The following DOCK8 variants were observed in gnomAD, a reference collection of about 807,000 sequenced individuals.
DOCK8 encodes dedicator of cytokinesis protein 8.
In DOCK8, 141 loss-of-function variants were observed where a neutral mutation model predicts 245.6. The ratio of observed to expected loss-of-function variants is 0.57; its 90% CI spans 0.50 to 0.66. DOCK8 has a LOEUF of 0.66. Ranked by LOEUF, DOCK8 falls within the 30% of genes least tolerant of loss-of-function variation. The probability of loss-of-function intolerance (pLI) is 0.00; values close to 1 mark genes in which losing one functional copy is unlikely to be tolerated. For synonymous variants in DOCK8, 1,168 were observed against 970.2 expected (o/e 1.20, Z -3.79); for missense variants, 2,965 against 2,603.4 (o/e 1.14, Z -3.02).
In DOCK8 at chr9:317,103, A is replaced by G. The variant is rs1338659907; in HGVS notation, c.802A>G (p.Ile268Val). ...TCCCAAGGAACACCTGGGCAACAGA[A>G]TATTGGTCAAGTTGCTGACCTTGAA... ...ECPKEHLGNR[I>V]LVKLLTLKFE... Residue 268 changes from isoleucine (I) to valine (V), a missense_variant, in exon 7 of 48, where the codon ATA becomes GTA. Around this residue, in one of 3 missense-constraint regions of DOCK8, gnomAD observed 2,825 missense variants for 2,453.5 expected, o/e 1.15. Coordinates refer to ENST00000432829, the MANE Select transcript of DOCK8 (RefSeq NM_203447.4). The G allele has an allele frequency of 3.7e-6, 6 of 1,613,864 alleles. No homozygotes were observed. The highest frequency in any genetic ancestry group is 1.3e-5 in the African/African-American group (1 of 74,938).
At chr9:360,484 A>G (rs1224171581) in intron 14 of DOCK8, among the ~76,000 whole-genome samples, 4 of 152,222 alleles carry the variant, frequency 2.6e-5, no homozygotes, top group African/African-American at 9.6e-5. Context: ...TGTATTATGT[A>G]TACTTTGTAT....
rs569384284 is a variant in DOCK8 at position 239,109 on chromosome 9, A to G, written c.53+24080A>G. ...CAGGAATTGATTTATTTTCTCATCAATGTTATAACTAAATGACTTTGAATG... is the reference window on the plus strand; with the variant it reads ...CAGGAATTGATTTATTTTCTCATCAGTGTTATAACTAAATGACTTTGAATG... On this transcript the variant is annotated intron_variant, in intron 1 of 47. Transcript: ENST00000432829. Among the ~76,000 whole-genome samples, 6 of 152,344 alleles carry G rather than the reference A, an allele frequency of 3.9e-5. No homozygotes were observed. The East Asian group carries it at 7.7e-4, about 20-fold the overall frequency.
chr9:388,826 T>C (rs1257788377), intron 23 of DOCK8, among the ~76,000 whole-genome samples: 2 of 152,126 alleles, frequency 1.3e-5, no homozygotes, highest in African/African-American at 4.8e-5. Flanking sequence ...AGTGCTAGGA[T>C]TACAGGCATG....
intron 7 of DOCK8, 116 bp from the exon 8 acceptor site, chr9:325,555 C>T: frequency 1.1e-6 from 1 of 876,068 alleles, no homozygotes; most frequent in Non-Finnish European, 1.9e-6. Context: ...TGGAGTTTTC[C>T]AAATATTTCG....
chr9:371,595 A>C (rs368169914), intron 17 of DOCK8, 29 bp downstream of exon 17: 2 of 1,613,932 alleles, frequency 1.2e-6, no homozygotes, highest in Non-Finnish European at 1.7e-6. Flanking sequence ...GCTGACTCAC[A>C]CTGCAGTTGT....
chr9:270,383 A>G (rs1030128034), intron 1 of DOCK8, among the ~76,000 whole-genome samples: 1 of 152,294 alleles, frequency 6.6e-6, no homozygotes. Flanking sequence ...GCCGTGAGTT[A>G]TGTGCCCACT....
At chr9:298,639 GT>G (rs2049378745) in intron 4 of DOCK8, among the ~76,000 whole-genome samples, 1 of 151,870 alleles carries the variant, frequency 6.6e-6, no homozygotes, top group African/African-American at 2.4e-5. Context: ...GTGTGTGTGT[GT>G]GTGTGTGTGT....
chr9:292,494 A>G (rs2049088646), intron 4 of DOCK8, among the ~76,000 whole-genome samples: 2 of 151,304 alleles, frequency 1.3e-5, no homozygotes, highest in Admixed American at 6.6e-5. Context: ...ATTTGATAAA[A>G]GGTTGTCTTT....
intron 7 of DOCK8, among the ~76,000 whole-genome samples, chr9:323,093 C>CA (rs141746047): frequency 0.39 from 38,981 of 99,958 alleles, 6,383 homozygotes; most frequent in African/African-American, 0.52. Flanking sequence ...AACTCCATCT[C>CA]AAAAAAAAAA....
intron 24 of DOCK8, among the ~76,000 whole-genome samples, chr9:395,075 G>C (rs2054383150): frequency 6.6e-6 from 1 of 152,130 alleles, no homozygotes. Flanking sequence ...CCTTTGTTAG[G>C]AGCATAGTGA....
chr9:426,396 CT>C (rs1394571320), intron 33 of DOCK8, among the ~76,000 whole-genome samples: 2 of 152,204 alleles, frequency 1.3e-5, no homozygotes, highest in East Asian at 3.9e-4. Context: ...TGACTCTCCC[CT>C]GACTTGGCTC....
chr9:422,910 G>A (rs1344473841), intron 33 of DOCK8, among the ~76,000 whole-genome samples: 4 of 151,440 alleles, frequency 2.6e-5, no homozygotes, highest in South Asian at 2.1e-4. Context: ...GCTTGAACCC[G>A]GGAGGCAGAG....
chr9:345,228 G>A (rs1322542131), intron 14 of DOCK8, among the ~76,000 whole-genome samples: 2 of 152,110 alleles, frequency 1.3e-5, no homozygotes, highest in African/African-American at 4.8e-5. Flanking sequence ...TCAAATAACT[G>A]AAAATGAAGA....
rs368610615 is a variant in DOCK8, at chr9:338,998, C to G, written c.1423-8C>G. 2.5e-6 allele frequency: 4 copies of G among 1,613,890 alleles called. No individual in the cohort carries two copies. Among genetic ancestry groups the G allele is most frequent in the Non-Finnish European group, 3.4e-6 (4 of 1,179,826 alleles). ...CATCTACATTAACTCTGACTTTTCT[C>G]TTGGCAGGAAGGAGATCGCCTTAGC... On this transcript the variant is annotated splice_polypyrimidine_tract_variant and splice_region_variant and intron_variant, in intron 12 of 47. Coordinates refer to ENST00000432829, the MANE Select transcript of DOCK8 (RefSeq NM_203447.4).
chr9:340,118 G>A (rs1177002068), intron 13 of DOCK8, 41 bp from the exon 14 acceptor site: 4 of 1,599,250 alleles, frequency 2.5e-6, no homozygotes, highest in African/African-American at 2.7e-5. Context: ...CTCATAACAT[G>A]ACAGTTTCTT....
upstream of DOCK8, among the ~76,000 whole-genome samples, chr9:212,402 G>A (rs984223807): frequency 6.6e-6 from 1 of 152,122 alleles, no homozygotes; most frequent in Non-Finnish European, 1.5e-5. Flanking sequence ...CGGAGAAAGA[G>A]GAAGGCCAAG....
chr9:337,129 A>G (rs536112432), intron 12 of DOCK8, among the ~76,000 whole-genome samples: 89 of 152,308 alleles, frequency 5.8e-4, no homozygotes, highest in Non-Finnish European at 1.0e-4. Context: ...ATGAGGGCAG[A>G]GTCCTCATGA....
intron 6 of DOCK8, chr9:312,759 G>A (rs1002018963): frequency 3.1e-6 from 1 of 320,948 alleles, no homozygotes; most frequent in Non-Finnish European, 6.0e-6. Context: ...CACTGCCTGA[G>A]GCACTTTGGA....
chr9:230,699 C>T (rs1410067100), intron 1 of DOCK8, among the ~76,000 whole-genome samples: 5 of 151,252 alleles, frequency 3.3e-5, no homozygotes, highest in Non-Finnish European at 7.4e-5. Flanking sequence ...TAAATGTCTT[C>T]TTTTGAGAAG....
Sources: gnomAD v4.1 joint callset for allele counts (sites outside exome capture counted in the v4.1 genomes callset) on GRCh38, gnomAD v4.1.1 for gene constraint, gnomAD v4.1.1 regional missense constraint, MANE v1.5 for transcripts, NCBI Gene and HGNC (gene_info 2026-07-23, HGNC 2026-07-21) for gene names.